The following KLK3 variants were observed in gnomAD, a reference collection of about 807,000 sequenced individuals.
KLK3 encodes the protein kallikrein related peptidase 3, also known as prostate-specific antigen.
In KLK3, 23 loss-of-function variants were observed where a neutral mutation model predicts 27.7. The ratio of observed to expected loss-of-function variants is 0.83; its 90% CI spans 0.60 to 1.17. The LOEUF (loss-of-function observed/expected upper bound fraction) is 1.17. Among genes scored for constraint, KLK3 ranks in the 50% most tolerant of loss-of-function variants. The pLI, the probability that KLK3 is intolerant of heterozygous loss-of-function variation, is 0.00. For missense variants in KLK3, 322 were observed against 338.1 expected, an observed-to-expected ratio of 0.95 and a Z score of 0.37; for synonymous variants, 142 against 134.2, an observed-to-expected ratio of 1.06 and a Z score of -0.40.
chr19:50,858,411 G>A, intron 3 of KLK3, 48 bp from the exon 4 acceptor site: 5 of 1,612,080 alleles, frequency 3.1e-6, no homozygotes, highest in Non-Finnish European at 4.2e-6. Context: ...GAGGGCCAAG[G>A]AACCAGGTGG....
Position 50,858,536 on chromosome 19 carries a change from A to G in KLK3, c.571A>G (p.Lys191Glu). 1.9e-6 allele frequency: 3 copies of G among 1,614,194 alleles called. No individual in the cohort carries two copies. Among genetic ancestry groups the G allele is most frequent in the Non-Finnish European group, 2.5e-6 (3 of 1,180,026 alleles). The change falls in exon 4 of 5, where the codon AAG becomes GAG. Residue 191 changes from lysine (K) to glutamate (E), a missense_variant. Physicochemically the swap from Lys to Glu is moderately conservative, Grantham distance 56 (BLOSUM62 1). Coordinates refer to ENST00000326003, the MANE Select transcript of KLK3 (RefSeq NM_001648.2). ...CGTGTGTGCGCAAGTTCACCCTCAG[A>G]AGGTGACCAAGTTCATGCTGTGTGC... is the stretch of plus-strand genomic sequence containing the variant. ...NDVCAQVHPQ[K>E]VTKFMLCAGR...
rs764323663 is a variant in KLK3 at position 50,858,163 on chromosome 19, G to T, written c.341G>T (p.Gly114Val). 6.8e-6 allele frequency: 11 copies of T among 1,614,068 alleles called. No individual in the cohort carries two copies. The highest frequency in any genetic ancestry group is 3.3e-5 in the Admixed American group (2 of 59,998). Residue 114 changes from glycine (G) to valine (V), a missense_variant, in exon 3 of 5, where the codon GGT becomes GTT. By Grantham distance (109) the Gly-to-Val change is moderately radical (BLOSUM62 -3). Coordinates refer to ENST00000326003, the MANE Select transcript of KLK3 (RefSeq NM_001648.2). Reference protein sequence around the residue: ...SLLKNRFLRPGDDSSHDLMLL... With the variant: ...SLLKNRFLRPVDDSSHDLMLL... ...CTGAAGAATCGATTCCTCAGGCCAG[G>T]TGATGACTCCAGCCACGACCTCATG...
intron 4 of KLK3, 26 bp downstream of exon 4, chr19:50,858,621 T>C: frequency 6.2e-7 from 1 of 1,613,586 alleles, no homozygotes; most frequent in Non-Finnish European, 8.5e-7. Flanking sequence ...TCCCAAGATC[T>C]TGAGGGGAAA....
chr19:50,856,292 G>A lies in KLK3; in HGVS notation c.99G>A (p.Lys33=). 6.2e-7 allele frequency: 1 copy of A among 1,613,396 alleles called. No individual in the cohort carries two copies. Among genetic ancestry groups the A allele is most frequent in the Non-Finnish European group, 8.5e-7 (1 of 1,180,020 alleles). Residue 33 remains lysine (K), a synonymous_variant, in exon 2 of 5, where the codon AAG becomes AAA. Transcript: ENST00000326003. ...TTGTGGGAGGCTGGGAGTGCGAGAA[G>A]CATTCCCAACCCTGGCAGGTGCTTG... The part of the protein sequence containing the change: ...SRIVGGWECE[K]HSQPWQVLVA...
At chr19:50,859,946 C>T (rs1435835281) in intron 4 of KLK3, 26 bp from the exon 5 acceptor site, 11 of 1,595,068 alleles carry the variant, frequency 6.9e-6, no homozygotes, top group Non-Finnish European at 9.4e-6. Context: ...TGACCTATCT[C>T]ACTCTCTCCC....
intron 2 of KLK3, chr19:50,857,586 A>C: frequency 1.2e-5 from 2 of 162,876 alleles, no homozygotes; most frequent in Non-Finnish European, 2.7e-5. Context: ...ATTCCTCTCT[A>C]CTTGGTTCTC....
chr19:50,858,220 C>T lies in KLK3; in HGVS notation c.398C>T (p.Thr133Met), dbSNP rs373661565. The part of the protein sequence containing the change: ...LLRLSEPAEL[T>M]DAVKVMDLPT... ...CGCCTGTCAGAGCCTGCCGAGCTCACGGATGCTGTGAAGGTCATGGACCTG... is the reference window on the plus strand; with the variant it reads ...CGCCTGTCAGAGCCTGCCGAGCTCATGGATGCTGTGAAGGTCATGGACCTG... The change falls in exon 3 of 5, where the codon ACG (threonine) becomes ATG (methionine). Residue 133 changes from threonine to methionine, a missense_variant. Coordinates refer to ENST00000326003, the MANE Select transcript of KLK3 (RefSeq NM_001648.2). 5.1e-5 allele frequency: 82 copies of T among 1,614,092 alleles called. No individual in the cohort carries two copies. The highest frequency in any genetic ancestry group is 6.7e-5 in the Non-Finnish European group (79 of 1,180,056).
At chr19:50,859,143 G>A (rs73591117) in intron 4 of KLK3, among the ~76,000 whole-genome samples, 8,095 of 152,104 alleles carry the variant, frequency 0.053, 442 homozygotes, top group African/African-American at 0.13. Flanking sequence ...GGGAGGAGGG[G>A]CCTAGAGGGC....
At chr19:50,855,905 A>C (rs764459430) in intron 1 of KLK3, 3 of 196,784 alleles carry the variant, frequency 1.5e-5, no homozygotes, top group Non-Finnish European at 3.1e-5. Flanking sequence ...CCCTTCTCCC[A>C]GTCCAAGACC....
At chr19:50,857,907 C>T (rs2090159063) in intron 2 of KLK3, 122 bp from the exon 3 acceptor site, 4 of 1,112,082 alleles carry the variant, frequency 3.6e-6, no homozygotes, top group Non-Finnish European at 5.0e-6. Flanking sequence ...CTGTGTCTTC[C>T]CCAACCCTGT....
chr19:50,859,378 AG>A, intron 4 of KLK3: 1 of 592,468 alleles, frequency 1.7e-6, no homozygotes, highest in Middle Eastern at 4.6e-4. Flanking sequence ...GACTGCAGGG[AG>A]GGAGGGCAGC....
chr19:50,856,639 A>T, intron 2 of KLK3: 2 of 476,906 alleles, frequency 4.2e-6, no homozygotes. Flanking sequence ...TCTCTTGGTA[A>T]CTGGCTTCGG....
At chr19:50,856,205 AC>A (rs2090145477) in intron 1 of KLK3, 34 bp from the exon 2 acceptor site, 2 of 1,590,060 alleles carry the variant, frequency 1.3e-6, no homozygotes, top group East Asian at 4.5e-5. Context: ...CCTCCTGTCA[AC>A]CCTGATTCCC....
intron 2 of KLK3, 144 bp downstream of exon 2, chr19:50,856,543 C>A: frequency 9.7e-7 from 1 of 1,036,134 alleles, no homozygotes; most frequent in East Asian, 2.7e-5. Context: ...CATGGGGAGG[C>A]AGGGTTGGGG....
chr19:50,858,911 C>A (rs1329547962), intron 4 of KLK3: 2 of 487,934 alleles, frequency 4.1e-6, no homozygotes, highest in Non-Finnish European at 7.2e-6. Flanking sequence ...CCTTCTGTAG[C>A]CCCCAAGCCA....
intron 2 of KLK3, 171 bp downstream of exon 2, chr19:50,856,570 A>C (rs528811793): frequency 3.0e-6 from 2 of 662,126 alleles, no homozygotes; most frequent in African/African-American, 3.7e-5. Flanking sequence ...CACCCTCCCC[A>C]TGGCTGCCTG....
Position 50,860,191 on chromosome 19 carries a change from A to G in KLK3, c.*64A>G. 1 of 1,312,666 alleles carries G rather than the reference A, an allele frequency of 7.6e-7. No individual in the cohort carries two copies. The highest frequency in any genetic ancestry group is 1.1e-6 in the Non-Finnish European group (1 of 925,720). The allele number at this position is 1,312,666 out of a possible 1,614,324, so 81.3% of individuals were successfully genotyped here. On this transcript the variant is annotated 3_prime_UTR_variant, in exon 5 of 5. Transcript: ENST00000326003. Reference sequence around the variant, plus strand: ...CTTGGAAATGACCAGGCCAAGACTCAAGCCTCCCCAGTTCTACTGACCTTT... The same window carrying G: ...CTTGGAAATGACCAGGCCAAGACTCGAGCCTCCCCAGTTCTACTGACCTTT...
intron 2 of KLK3, among the ~76,000 whole-genome samples, chr19:50,856,941 T>C (rs1478703958): frequency 1.3e-5 from 2 of 152,014 alleles, no homozygotes; most frequent in East Asian, 3.9e-4. Flanking sequence ...GGCAGGTAGA[T>C]CACCTGAGGT....
intron 4 of KLK3, among the ~76,000 whole-genome samples, chr19:50,859,310 G>A (rs911642305): frequency 1.1e-4 from 16 of 142,588 alleles, no homozygotes; most frequent in Non-Finnish European, 1.7e-4. Flanking sequence ...CTGGACAGAA[G>A]CAGGACAGGG....
Sources: allele counts gnomAD v4.1 joint callset (sites outside exome capture counted in the v4.1 genomes callset), GRCh38; gene constraint gnomAD v4.1.1; transcripts MANE v1.5; gene names NCBI Gene and HGNC (gene_info 2026-07-23, HGNC 2026-07-21).